Variants in FHAD1 observed in about 807,000 individuals in gnomAD.
The protein encoded by FHAD1 is forkhead-associated domain-containing protein 1.
Under a neutral mutation model 191.3 loss-of-function variants are expected in FHAD1, and 146 were observed. The ratio of observed to expected loss-of-function variants is 0.76; its 90% CI spans 0.67 to 0.88. FHAD1 has a LOEUF of 0.88. FHAD1 is among the 40% of genes least tolerant of loss of function. FHAD1 has a pLI of 0.00. For missense variants in FHAD1, 1,635 were observed against 1,785.8 expected (o/e 0.92, Z 1.52); for synonymous variants, 616 against 672.3 (o/e 0.92, Z 1.29).
At chr1:15,386,849 C>CTTTTTTTTT (rs59453670) in intron 31 of FHAD1, among the ~76,000 whole-genome samples, 10 of 144,188 alleles carry the variant, frequency 6.9e-5, no homozygotes, top group East Asian at 2.0e-4. Context: ...TCCTTTCTTT[C>CTTTTTTTTT]TTTTTTTTTT....
chr1:15,312,909 A>T lies in FHAD1; in HGVS notation c.1040-148A>T. The stretch of plus-strand genomic sequence containing the variant: ...ACCTTGAACAAATGATGTGCAGTGG[A>T]TATTGGTCTCAACCCCATTCAAGCT... On this transcript the variant is annotated intron_variant, in intron 7 of 33. Coordinates refer to ENST00000688493, the MANE Select transcript of FHAD1 (RefSeq NM_001391957.1). This position sits in a 1 kb window ranked among gnomAD's most constrained non-coding sequence, Gnocchi z 4.7. 3.5e-6 allele frequency: 3 copies of T among 853,328 alleles called. No individual in the cohort carries two copies. Among genetic ancestry groups the T allele is most frequent in the Non-Finnish European group, 5.4e-6 (3 of 550,956 alleles). 52.9% of individuals were successfully genotyped at this position (853,328 alleles called of 1,614,324 possible).
intron 2 of FHAD1, among the ~76,000 whole-genome samples, chr1:15,261,369 G>A (rs923350297): frequency 1.3e-5 from 2 of 152,184 alleles, no homozygotes; most frequent in African/African-American, 2.4e-5. Flanking sequence ...CTTCCGGAAC[G>A]GGGGTGTGGA....
At chr1:15,385,118 A>G (rs201564291) in intron 31 of FHAD1, among the ~76,000 whole-genome samples, 6 of 150,750 alleles carry the variant, frequency 4.0e-5, no homozygotes, top group Non-Finnish European at 7.4e-5. Flanking sequence ...CAAGGGAAAA[A>G]GGGGGAAAAT....
At chr1:15,356,319 G>T (rs187914970) in intron 20 of FHAD1, among the ~76,000 whole-genome samples, 32 of 152,190 alleles carry the variant, frequency 2.1e-4, no homozygotes, top group African/African-American at 7.7e-4. Flanking sequence ...TAACAGGATC[G>T]CAGTGTCTTC....
At chr1:15,281,585 C>T (rs1176497119) in intron 3 of FHAD1, among the ~76,000 whole-genome samples, 1 of 151,820 alleles carries the variant, frequency 6.6e-6, no homozygotes, top group East Asian at 1.9e-4. Flanking sequence ...CATGGCAAAA[C>T]CCCGTCTCTA....
rs190807185 is a variant in FHAD1 at position 15,381,816 on chromosome 1, T to C, written c.4023-212T>C. Among the ~76,000 whole-genome samples the C allele has an allele frequency of 2.0e-3, 304 of 151,860 alleles. 2 individuals are homozygous for C. The highest frequency in any genetic ancestry group is 1.6e-3 in the Admixed American group (25 of 15,226). Reference sequence around the variant, plus strand: ...GAAGTCAGGAGGGGCTGGTAGCACATCCTTTATCCCCTCCCGCTACACACA... The same window carrying C: ...GAAGTCAGGAGGGGCTGGTAGCACACCCTTTATCCCCTCCCGCTACACACA... On this transcript the variant is annotated intron_variant, in intron 30 of 33. Transcript: ENST00000688493. This position sits in a 1 kb window ranked among gnomAD's most constrained non-coding sequence, Gnocchi z 4.6.
intron 32 of FHAD1, 157 bp from the exon 33 acceptor site, chr1:15,391,053 A>G (rs1703907260): frequency 3.7e-6 from 1 of 268,988 alleles, no homozygotes; most frequent in African/African-American, 2.3e-5. Flanking sequence ...GATTTTTCTC[A>G]ATTTTCAGAT....
Position 15,397,474 on chromosome 1 carries a change from T to C in FHAD1, c.*61T>C. ...TGTGAGTTCATGTGACTCTTCTGTGTCATCTGTGTCAAAATACTGAGTTGC... is the reference window on the plus strand; with the variant it reads ...TGTGAGTTCATGTGACTCTTCTGTGCCATCTGTGTCAAAATACTGAGTTGC... On this transcript the variant is annotated 3_prime_UTR_variant, in exon 34 of 34. Coordinates refer to ENST00000688493, the MANE Select transcript of FHAD1 (RefSeq NM_001391957.1). 1 of 759,152 alleles carries C rather than the reference T, an allele frequency of 1.3e-6. No individual in the cohort carries two copies. The highest frequency in any genetic ancestry group is 2.6e-5 in the South Asian group (1 of 39,154). 47.0% of individuals were successfully genotyped at this position (759,152 alleles called of 1,614,324 possible). A position where few individuals can be genotyped will look rare whatever the true frequency, so the allele number is the denominator to read the frequency against.
chr1:15,275,861 T>C (rs1219655293), intron 3 of FHAD1, among the ~76,000 whole-genome samples: 1 of 152,178 alleles, frequency 6.6e-6, no homozygotes, highest in Admixed American at 6.5e-5. Context: ...ATTGTTTCCT[T>C]TGGAAGAGGA....
At chr1:15,314,715 T>G in intron 8 of FHAD1, 1 of 136,954 alleles carries the variant, frequency 7.3e-6, no homozygotes, top group Non-Finnish European at 1.5e-5. Flanking sequence ...TGTGTATGGG[T>G]GTGTGTGGAT....
Position 15,364,894 on chromosome 1 carries a change from G to A in FHAD1, c.3048-933G>A, listed in dbSNP as rs116815133. Among the ~76,000 whole-genome samples the A allele has an allele frequency of 3.9e-3, 595 of 152,216 alleles. 2 individuals are homozygous for A. Among genetic ancestry groups the A allele is most frequent in the Middle Eastern group, 6.8e-3 (2 of 294 alleles). ...GGCGCCCTTCACCTCTCCACTGGGCGCAGCCTCCCTCCCATCAACCATCCT... is the reference window on the plus strand; with the variant it reads ...GGCGCCCTTCACCTCTCCACTGGGCACAGCCTCCCTCCCATCAACCATCCT... On this transcript the variant is annotated intron_variant, in intron 23 of 33. Transcript: ENST00000688493.
rs1244061207 is a variant in FHAD1, at chr1:15,329,973, AAAG to A, written c.1906+433_1906+435del. ...ATCATTAAAATGCATGAATATATGG[AAAG>A]TACTTGGAATAGTACCTGGCACACA... On this transcript the variant is annotated intron_variant, in intron 14 of 33. Transcript: ENST00000688493. The surrounding 1 kb of genome is among the most constrained non-coding windows in gnomAD (Gnocchi z 5.0). 6.1e-6 allele frequency: 1 copy of A among 163,768 alleles called. No homozygotes were observed. Among genetic ancestry groups the A allele is most frequent in the African/African-American group, 2.4e-5 (1 of 41,892 alleles). The allele number at this position is 163,768 out of a possible 1,614,324, so 10.1% of individuals were successfully genotyped here. A position where few individuals can be genotyped will look rare whatever the true frequency, so the allele number is the denominator to read the frequency against.
chr1:15,239,242 T>A (rs1484756583), intron 1 of FHAD1, among the ~76,000 whole-genome samples: 2 of 152,170 alleles, frequency 1.3e-5, no homozygotes, highest in Admixed American at 1.3e-4. Context: ...CCTTATTGAA[T>A]GTTGGCTGCA....
intron 28 of FHAD1, among the ~76,000 whole-genome samples, chr1:15,378,427 GAGA>G (rs1049379679): frequency 6.6e-5 from 10 of 152,240 alleles, no homozygotes; most frequent in African/African-American, 2.4e-4. Context: ...CTGGTCTGCA[GAGA>G]AGGAGATGGG....
rs1198243469 is a variant in FHAD1, at chr1:15,339,492, T to C, written c.1918T>C (p.Tyr640His). The C allele has an allele frequency of 7.9e-7, 1 of 1,272,798 alleles. No individual in the cohort carries two copies. Among genetic ancestry groups the C allele is most frequent in the Admixed American group, 2.5e-5 (1 of 40,706 alleles). The allele number at this position is 1,272,798 out of a possible 1,614,324, so 78.8% of individuals were successfully genotyped here. The change falls in exon 15 of 34, where the codon TAT becomes CAT. Residue 640 changes from tyrosine (Y) to histidine (H), a missense_variant. Physicochemically the swap from Tyr to His is moderately conservative, Grantham distance 83. Coordinates refer to ENST00000688493, the MANE Select transcript of FHAD1 (RefSeq NM_001391957.1). ...PSSPNKGFSL[Y>H]LIYLLEHYKK... ...TCTCTTTTTTTAAGGGTTCTCTTTG[T>C]ATCTGATATATCTTCTGGAACATTA...
chr1:15,306,024 G>A (rs557289022), intron 6 of FHAD1, among the ~76,000 whole-genome samples: 2 of 152,298 alleles, frequency 1.3e-5, no homozygotes, highest in Non-Finnish European at 2.9e-5. Context: ...GGAAAATGTG[G>A]GAAAGTTTGG....
Position 15,381,432 on chromosome 1 carries a change from A to G in FHAD1, c.4003A>G (p.Lys1335Glu), listed in dbSNP as rs1558286829. The G allele has an allele frequency of 6.4e-7, 1 of 1,551,406 alleles. No homozygotes were observed. Among genetic ancestry groups the G allele is most frequent in the East Asian group, 2.4e-5 (1 of 40,896 alleles). ...AGAGGAGCTGTTGAGAGGATATGAAAAGGACGTTGAACAGCTCAGGTACCT... is the reference window on the plus strand; with the variant it reads ...AGAGGAGCTGTTGAGAGGATATGAAGAGGACGTTGAACAGCTCAGGTACCT... The part of the protein sequence containing the change: ...RKEELLRGYE[K>E]DVEQLRRSKV... The change falls in exon 30 of 34, where the codon AAG (lysine) becomes GAG (glutamate). Residue 1335 changes from lysine to glutamate, a missense_variant. By Grantham distance (56) the Lys-to-Glu change is moderately conservative. Transcript: ENST00000688493. The surrounding 1 kb of genome is among the most constrained non-coding windows in gnomAD (Gnocchi z 4.6).
intron 4 of FHAD1, among the ~76,000 whole-genome samples, chr1:15,290,961 A>G (rs1234455125): frequency 1.3e-5 from 2 of 151,898 alleles, no homozygotes; most frequent in African/African-American, 2.4e-5. Context: ...TGATCCGCCC[A>G]CCTCGGCCTC....
intron 2 of FHAD1, among the ~76,000 whole-genome samples, chr1:15,263,427 T>C (rs771458987): frequency 1.4e-4 from 22 of 152,026 alleles, no homozygotes; most frequent in Non-Finnish European, 3.1e-4. Flanking sequence ...AAGGGTTTTA[T>C]AGTGTTAGCT....
Sources: allele counts gnomAD v4.1 joint callset (sites outside exome capture counted in the v4.1 genomes callset), GRCh38; gene constraint gnomAD v4.1.1; non-coding constraint Gnocchi (gnomAD v3.1); transcripts MANE v1.5; gene names NCBI Gene and HGNC (gene_info 2026-07-23, HGNC 2026-07-21).